SV2C: variants seen among roughly 807,000 people sequenced by gnomAD.
The protein encoded by SV2C is solute carrier family 22 member B3.
SV2C carries 49 observed loss-of-function variants against 79.7 expected under a neutral mutation model. The observed-to-expected ratio is 0.61, with a 90% CI of 0.49 to 0.78. The LOEUF is 0.78. Ranked by LOEUF, SV2C falls within the 30% of genes least tolerant of loss-of-function variation. SV2C has a pLI of 0.00. For missense variants in SV2C, 833 were observed against 912.9 expected, an observed-to-expected ratio of 0.91 and a Z score of 1.13; for synonymous variants, 334 against 333.2, an observed-to-expected ratio of 1.00 and a Z score of -0.03.
chr5:76,188,442 A>T (rs975624048), intron 2 of SV2C, among the ~76,000 whole-genome samples: 14 of 152,154 alleles, frequency 9.2e-5, no homozygotes, highest in Non-Finnish European at 1.9e-4. Context: ...CACAGCTAGG[A>T]ACTGGTTGGG....
chr5:76,084,949 C>T (rs1747130884), intron 1 of SV2C, among the ~76,000 whole-genome samples: 2 of 152,020 alleles, frequency 1.3e-5, no homozygotes, highest in African/African-American at 4.8e-5. Flanking sequence ...GGGCGCTCCC[C>T]GGGGGACCGA....
At chr5:75,896,109 A>T in the SV2C span, among the ~76,000 whole-genome samples, 2 of 151,960 alleles carry the variant, frequency 1.3e-5, no homozygotes, top group Middle Eastern at 6.8e-3. Flanking sequence ...CATGTGCACA[A>T]TGTGCAGGTT....
the SV2C span, chr5:75,921,407 G>A: frequency 4.9e-6 from 4 of 817,010 alleles, no homozygotes; most frequent in Non-Finnish European, 8.7e-6. Flanking sequence ...CTGCGCTTGG[G>A]GAAGCTCATA....
intron 4 of SV2C, among the ~76,000 whole-genome samples, chr5:76,210,145 G>C (rs1018831528): frequency 6.6e-6 from 1 of 152,198 alleles, no homozygotes; most frequent in Non-Finnish European, 1.5e-5. Flanking sequence ...AAGATTTCTG[G>C]TCACCAAAAT....
At chr5:76,303,744 T>C (rs1748091082) in intron 12 of SV2C, among the ~76,000 whole-genome samples, 2 of 152,316 alleles carry the variant, frequency 1.3e-5, no homozygotes, top group South Asian at 4.1e-4. Flanking sequence ...TCAATTGAAA[T>C]AAAAACAAAT....
At chr5:76,043,650 A>G in the SV2C span, among the ~76,000 whole-genome samples, 1 of 152,218 alleles carries the variant, frequency 6.6e-6, no homozygotes, top group Non-Finnish European at 1.5e-5. Flanking sequence ...GCTTTATTAT[A>G]CTTCAAACTT....
chr5:76,114,123 T>C (rs903195973), intron 1 of SV2C, among the ~76,000 whole-genome samples: 1 of 152,192 alleles, frequency 6.6e-6, no homozygotes, highest in Non-Finnish European at 1.5e-5. Flanking sequence ...CTGAAACACC[T>C]TGGTCTCAAA....
chr5:75,921,677 T>C, the SV2C span: 1 of 607,422 alleles, frequency 1.6e-6, no homozygotes, highest in South Asian at 1.5e-5. Flanking sequence ...TATCTGTTGG[T>C]AAACAGCAAT....
chr5:76,285,783 T>G lies in SV2C; in HGVS notation c.1050T>G (p.Val350=). The G allele has an allele frequency of 6.2e-7, 1 of 1,613,736 alleles. No homozygotes were observed. The highest frequency in any genetic ancestry group is 8.5e-7 in the Non-Finnish European group (1 of 1,179,878). ...MPESPRFLLE[V]GKHDEAWMIL... ...CACTGTCCACTCTCATTTCTTAGGT[T>G]GGAAAACATGATGAAGCTTGGATGA... Residue 350 remains valine (V), a splice_region_variant and synonymous_variant, in exon 6 of 13, where the codon GTT becomes GTG. Transcript: ENST00000502798.
the SV2C span, chr5:75,921,196 C>T: frequency 9.7e-7 from 1 of 1,029,026 alleles, no homozygotes; most frequent in South Asian, 1.5e-5. Context: ...GGAACTTGAG[C>T]CAGGGGCCAG....
the SV2C span, among the ~76,000 whole-genome samples, chr5:76,017,126 T>C: frequency 6.6e-6 from 1 of 152,240 alleles, no homozygotes. Context: ...TCTTTTTCCA[T>C]GGCTCCACTC....
At chr5:76,266,827 T>A (rs1021405001) in intron 4 of SV2C, among the ~76,000 whole-genome samples, 1 of 151,482 alleles carries the variant, frequency 6.6e-6, no homozygotes, top group Non-Finnish European at 1.5e-5. Context: ...TTTCATGTTA[T>A]GTATATTTTA....
the SV2C span, chr5:75,910,782 T>G: frequency 2.5e-5 from 33 of 1,346,662 alleles, no homozygotes; most frequent in Middle Eastern, 2.6e-4. Flanking sequence ...AACAGTCATG[T>G]TGGCTGCTAT....
Position 76,139,655 on chromosome 5 carries a change from C to G in SV2C, c.580+7325C>G, listed in dbSNP as rs377401852. Among the ~76,000 whole-genome samples the G allele has an allele frequency of 1.7e-4, 26 of 152,254 alleles. No homozygotes were observed. In the East Asian group the frequency reaches 4.8e-3, roughly 28 times the overall value. On this transcript the variant is annotated intron_variant, in intron 2 of 12. Coordinates refer to ENST00000502798, the MANE Select transcript of SV2C (RefSeq NM_014979.4). ...ATCCTGGGAGACCTACTTGGGTGTT[C>G]ACCTAGTTTCCTGGAGAAATATTCC... is the stretch of plus-strand genomic sequence containing the variant.
chr5:76,124,761 CTTGTTATT>C (rs1250127915), intron 1 of SV2C, among the ~76,000 whole-genome samples: 15 of 152,178 alleles, frequency 9.9e-5, no homozygotes, highest in African/African-American at 3.1e-4. Flanking sequence ...CTTGCCAATA[CTTGTTATT>C]TTGTTATTTT....
At chr5:76,001,447 A>G in the SV2C span, among the ~76,000 whole-genome samples, 1 of 152,064 alleles carries the variant, frequency 6.6e-6, no homozygotes, top group African/African-American at 2.4e-5. Flanking sequence ...CTGAAAATAC[A>G]AAAAATTAGC....
chr5:76,084,311 G>A (rs1747099493), intron 1 of SV2C: 1 of 152,276 alleles, frequency 6.6e-6, no homozygotes, highest in Non-Finnish European at 1.5e-5. Flanking sequence ...ATAAGCTACC[G>A]AGGTAATCTT....
chr5:75,897,672 T>G, the SV2C span, among the ~76,000 whole-genome samples: 1 of 152,296 alleles, frequency 6.6e-6, no homozygotes, highest in African/African-American at 2.4e-5. Context: ...ATGGCCATTT[T>G]CACGATATTG....
At chr5:76,217,959 C>T (rs1744952510) in intron 4 of SV2C, among the ~76,000 whole-genome samples, 1 of 152,170 alleles carries the variant, frequency 6.6e-6, no homozygotes, top group Non-Finnish European at 1.5e-5. Context: ...GAGAGTCTGA[C>T]AACTCTAACC....
Sources: gnomAD v4.1 joint callset for allele counts (sites outside exome capture counted in the v4.1 genomes callset) on GRCh38, gnomAD v4.1.1 for gene constraint, MANE v1.5 for transcripts, NCBI Gene and HGNC (gene_info 2026-07-23, HGNC 2026-07-21) for gene names.